The following C9 variants were observed in gnomAD, a reference collection of about 807,000 sequenced individuals.
C9 encodes complement C9, also known as complement component C9.
C9 carries 63 observed loss-of-function variants against 65.4 expected under a neutral mutation model. The ratio of observed to expected loss-of-function variants is 0.96; its 90% confidence interval spans 0.79 to 1.19. C9 has a LOEUF of 1.19. Among genes scored for constraint, C9 ranks in the 50% most tolerant of loss-of-function variants. C9 has a pLI of 0.00. For synonymous variants in C9, 229 were observed against 227.9 expected (o/e 1.00, Z -0.04); for missense variants, 744 against 670.1 (o/e 1.11, Z -1.22).
At chr5:39,345,854 G>A (rs945885960) in intron 1 of C9, among the ~76,000 whole-genome samples, 3 of 152,130 alleles carry the variant, frequency 2.0e-5, no homozygotes, top group African/African-American at 7.2e-5. Flanking sequence ...CTAGAACTCA[G>A]GAATAAGAAG....
intron 4 of C9, among the ~76,000 whole-genome samples, chr5:39,338,870 T>A (rs1754016899): frequency 6.6e-6 from 1 of 152,214 alleles, no homozygotes; most frequent in South Asian, 2.1e-4. Context: ...TTCTTTTCCC[T>A]GAACAAAGGA....
At chr5:39,290,498 A>G (rs1280873954) in intron 9 of C9, among the ~76,000 whole-genome samples, 4 of 151,832 alleles carry the variant, frequency 2.6e-5, no homozygotes, top group African/African-American at 9.7e-5. Context: ...AAACAAACCA[A>G]AAAAACCCCA....
intron 5 of C9, among the ~76,000 whole-genome samples, chr5:39,322,635 G>T (rs1487501826): frequency 6.6e-6 from 1 of 152,046 alleles, no homozygotes; most frequent in East Asian, 1.9e-4. Flanking sequence ...AATAAAATCA[G>T]AAATGAAAGA....
intron 9 of C9, among the ~76,000 whole-genome samples, chr5:39,294,016 T>C (rs1348547860): frequency 6.6e-6 from 1 of 151,570 alleles, no homozygotes; most frequent in African/African-American, 2.4e-5. Context: ...TAAATGAAAA[T>C]AGAAACAGAA....
At chr5:39,287,928 G>A (rs985009868) in intron 10 of C9, among the ~76,000 whole-genome samples, 18 of 151,866 alleles carry the variant, frequency 1.2e-4, no homozygotes, top group Admixed American at 6.6e-5. Flanking sequence ...TTATCATTAT[G>A]CAATATATCC....
rs549039177 is a variant in C9, at chr5:39,356,656, T to C, written c.77+7732A>G. On this transcript the variant is annotated intron_variant, in intron 1 of 10. Coordinates refer to ENST00000263408, the MANE Select transcript of C9 (RefSeq NM_001737.5). The stretch of plus-strand genomic sequence containing the variant: ...GGAAGCACAGTGAAGGCAGAACTCA[T>C]GGGAATTTTTAGCAGAGAATAACAA... Among the ~76,000 whole-genome samples the C allele has an allele frequency of 3.3e-5, 5 of 152,358 alleles. No homozygotes were observed. In the East Asian group the frequency reaches 9.6e-4, roughly 29 times the overall value.
At position 39,326,133 on chromosome 5, in the gene C9, A is replaced by G. The variant is rs1011397783; in HGVS notation, c.615+5543T>C. ...TATTCTAATCACTTCACAGTTATTA[A>G]CACATTTAATCTTTCTGAAACCCTG... is the stretch of plus-strand genomic sequence containing the variant. On this transcript the variant is annotated intron_variant, in intron 5 of 10. Transcript: ENST00000263408. 6.6e-5 allele frequency among the ~76,000 whole-genome samples: 10 copies of G among 152,306 alleles called. No homozygotes were observed. The South Asian group carries it at 1.2e-3, about 19-fold the overall frequency.
At chr5:39,353,475 T>A (rs938298032) in intron 1 of C9, among the ~76,000 whole-genome samples, 6 of 152,220 alleles carry the variant, frequency 3.9e-5, no homozygotes, top group Non-Finnish European at 7.3e-5. Context: ...CTTTTTCTCA[T>A]GTCTTCAGGC....
intron 5 of C9, among the ~76,000 whole-genome samples, chr5:39,322,494 C>G (rs892031086): frequency 2.6e-5 from 4 of 151,706 alleles, no homozygotes; most frequent in African/African-American, 9.7e-5. Context: ...AAGATCAGAG[C>G]AGAAATAAAT....
intron 9 of C9, among the ~76,000 whole-genome samples, chr5:39,304,235 C>A (rs1040762351): frequency 1.3e-5 from 2 of 152,024 alleles, no homozygotes; most frequent in African/African-American, 2.4e-5. Context: ...CTGGTCTTTC[C>A]TCCAAGATAA....
At chr5:39,345,184 A>G (rs1378932219) in intron 1 of C9, among the ~76,000 whole-genome samples, 3 of 152,188 alleles carry the variant, frequency 2.0e-5, no homozygotes, top group Non-Finnish European at 4.4e-5. Flanking sequence ...TTAACCTTAA[A>G]TGCAAAATGG....
chr5:39,323,143 A>G (rs1178500678), intron 5 of C9, among the ~76,000 whole-genome samples: 1 of 152,128 alleles, frequency 6.6e-6, no homozygotes, highest in Non-Finnish European at 1.5e-5. Flanking sequence ...GCAGACCAAT[A>G]ATGATTAAAA....
chr5:39,312,686 A>G (rs1753506719), intron 6 of C9, among the ~76,000 whole-genome samples: 1 of 152,178 alleles, frequency 6.6e-6, no homozygotes, highest in Non-Finnish European at 1.5e-5. Flanking sequence ...AAACTAAACT[A>G]CAATTGACAC....
chr5:39,349,631 T>C (rs1754285230), intron 1 of C9, among the ~76,000 whole-genome samples: 1 of 152,176 alleles, frequency 6.6e-6, no homozygotes, highest in Non-Finnish European at 1.5e-5. Context: ...CCAACACTTC[T>C]CAACCCTCCT....
intron 1 of C9, among the ~76,000 whole-genome samples, chr5:39,357,061 C>T (rs558727873): frequency 7.0e-4 from 106 of 152,280 alleles, no homozygotes; most frequent in African/African-American, 2.5e-3. Context: ...GCCAGAAATG[C>T]ATCAAATGAA....
chr5:39,289,253 A>T (rs1233738847), intron 9 of C9, among the ~76,000 whole-genome samples: 1 of 151,582 alleles, frequency 6.6e-6, no homozygotes, highest in African/African-American at 2.4e-5. Context: ...TTTAAAAATG[A>T]ACAACTGAGG....
At chr5:39,359,671 G>A (rs835220) in intron 1 of C9, among the ~76,000 whole-genome samples, 89 of 152,148 alleles carry the variant, frequency 5.8e-4, no homozygotes, top group African/African-American at 2.1e-3. Context: ...TGCTCGATTA[G>A]GCTAGAGCAG....
chr5:39,316,187 T>C (rs1330447095), intron 5 of C9, among the ~76,000 whole-genome samples, 158 bp from the exon 6 acceptor site: 1 of 152,182 alleles, frequency 6.6e-6, no homozygotes, highest in African/African-American at 2.4e-5. Context: ...GGGGTTCAAA[T>C]ACAGACTCTG....
At chr5:39,307,563 A>G (rs1419053665) in intron 8 of C9, among the ~76,000 whole-genome samples, 2 of 152,144 alleles carry the variant, frequency 1.3e-5, no homozygotes, top group Non-Finnish European at 2.9e-5. Context: ...TTTTAAATAT[A>G]TCAGGTTTTT....
Sources: allele counts gnomAD v4.1 joint callset (sites outside exome capture counted in the v4.1 genomes callset), GRCh38; gene constraint gnomAD v4.1.1; transcripts MANE v1.5; gene names NCBI Gene and HGNC (gene_info 2026-07-23, HGNC 2026-07-21).